Variants in DNAH14 observed in about 807,000 individuals in gnomAD.
The protein encoded by DNAH14 is axonemal beta dynein heavy chain 14.
Under a neutral mutation model 520.9 loss-of-function variants are expected in DNAH14, and 478 were observed. That is an observed-to-expected ratio of 0.92 (90% CI 0.85 to 0.99). DNAH14 has a LOEUF of 0.99. Ranked by LOEUF, DNAH14 falls within the 50% of genes least tolerant of loss-of-function variation. The probability of loss-of-function intolerance (pLI) is 0.00; values close to 1 mark genes in which losing one functional copy is unlikely to be tolerated. For synonymous variants in DNAH14, 1,581 were observed against 1,757.2 expected, an observed-to-expected ratio of 0.90 and a Z score of 2.51; for missense variants, 4,831 against 5,234.5, an observed-to-expected ratio of 0.92 and a Z score of 2.38.
Position 225,367,806 on chromosome 1 carries a change from T to C in DNAH14, c.12092T>C (p.Ile4031Thr). The C allele has an allele frequency of 3.2e-6, 5 of 1,549,838 alleles. No individual in the cohort carries two copies. The highest frequency in any genetic ancestry group is 4.4e-6 in the Non-Finnish European group (5 of 1,145,516). ...PIPVLKKGLK[I>T]AVESPQGLKS... ...ATTTTACTCACATCTGTTTTCAAGATTGCCGTGGAATCTCCCCAGGGATTG... is the reference window on the plus strand; with the variant it reads ...ATTTTACTCACATCTGTTTTCAAGACTGCCGTGGAATCTCCCCAGGGATTG... The change falls in exon 77 of 86, where the codon ATT becomes ACT. Residue 4031 changes from isoleucine (I) to threonine (T), a missense_variant and splice_region_variant. Transcript: ENST00000682510.
At chr1:225,397,537 C>CTT (rs2096032240) in intron 84 of DNAH14, 1 of 152,318 alleles carries the variant, frequency 6.6e-6, no homozygotes, top group East Asian at 1.9e-4. Flanking sequence ...TGGCCTGGTA[C>CTT]TTGGCCACCA....
At chr1:225,378,858 T>C (rs1468663880) in intron 79 of DNAH14, among the ~76,000 whole-genome samples, 8 of 133,210 alleles carry the variant, frequency 6.0e-5, no homozygotes, top group Non-Finnish European at 9.4e-5. Context: ...CCAGCTGGGG[T>C]GACAGTGCAA....
At chr1:225,298,363 A>T (rs1477642855) in intron 55 of DNAH14, among the ~76,000 whole-genome samples, 1 of 152,172 alleles carries the variant, frequency 6.6e-6, no homozygotes, top group African/African-American at 2.4e-5. Flanking sequence ...TCAGCTGTTC[A>T]ATGGCTCTGG....
intron 8 of DNAH14, among the ~76,000 whole-genome samples, chr1:224,989,072 A>G (rs1365350985): frequency 6.6e-6 from 1 of 152,188 alleles, no homozygotes. Context: ...TATCTTCACA[A>G]TGGTAATTAA....
chr1:225,015,719 G>A (rs535819633), intron 10 of DNAH14, among the ~76,000 whole-genome samples: 28 of 152,324 alleles, frequency 1.8e-4, no homozygotes, highest in South Asian at 4.1e-4. Flanking sequence ...ATAATCAAAT[G>A]ATATAATAAG....
At chr1:225,263,009 A>C (rs927574949) in intron 46 of DNAH14, among the ~76,000 whole-genome samples, 1 of 151,826 alleles carries the variant, frequency 6.6e-6, no homozygotes, top group Non-Finnish European at 1.5e-5. Flanking sequence ...CTGAAGAAAA[A>C]AAAAAGAACA....
intron 10 of DNAH14, among the ~76,000 whole-genome samples, chr1:225,013,289 C>T (rs1022279014): frequency 2.0e-5 from 3 of 152,074 alleles, no homozygotes; most frequent in African/African-American, 7.2e-5. Context: ...TGGGTATCAC[C>T]AATGGAGGCT....
In DNAH14 at chr1:225,144,585, C is replaced by T. The variant is rs2079753263; in HGVS notation, c.4697C>T (p.Pro1566Leu). Residue 1566 changes from proline (P) to leucine (L), a missense_variant, in exon 29 of 86, where the codon CCA becomes CTA. Coordinates refer to ENST00000682510, the MANE Select transcript of DNAH14 (RefSeq NM_001367479.1). ...HLNLGGCPAGPAGTGKTETVK... is the reference protein window; with the variant it reads ...HLNLGGCPAGLAGTGKTETVK... ...AATCTAGGAGGCTGTCCTGCCGGTC[C>T]AGCTGGTACAGGAAAAACTGAGACT... 1.0e-5 allele frequency: 16 copies of T among 1,551,328 alleles called. No individual in the cohort carries two copies. The highest frequency in any genetic ancestry group is 1.4e-5 in the Non-Finnish European group (16 of 1,146,958).
At chr1:224,944,647 T>G (rs995493766) in intron 1 of DNAH14, among the ~76,000 whole-genome samples, 1 of 152,224 alleles carries the variant, frequency 6.6e-6, no homozygotes, top group African/African-American at 2.4e-5. Flanking sequence ...TTCCTTTCCA[T>G]GTTTAGTGCT....
intron 54 of DNAH14, among the ~76,000 whole-genome samples, chr1:225,279,902 A>T (rs906284871): frequency 6.6e-6 from 1 of 150,576 alleles, no homozygotes; most frequent in Non-Finnish European, 1.5e-5. Context: ...CCTAAAGGAA[A>T]ATATATATTA....
At chr1:225,389,623 G>T (rs180704253) in intron 82 of DNAH14, 111 bp from the exon 83 acceptor site, 16 of 1,244,638 alleles carry the variant, frequency 1.3e-5, no homozygotes, top group Non-Finnish European at 1.7e-5. Flanking sequence ...TGCATTGGGG[G>T]AATCGAAATG....
chr1:224,981,157 T>G (rs2062240206), intron 8 of DNAH14, among the ~76,000 whole-genome samples: 1 of 152,226 alleles, frequency 6.6e-6, no homozygotes, highest in African/African-American at 2.4e-5. Flanking sequence ...TGGTGGATTA[T>G]CTGTTTGATA....
chr1:225,216,039 G>A (rs1419228231), intron 41 of DNAH14, among the ~76,000 whole-genome samples: 3 of 152,164 alleles, frequency 2.0e-5, no homozygotes, highest in Non-Finnish European at 2.9e-5. Flanking sequence ...AGTACTGATT[G>A]TTCCTTTCCA....
chr1:225,176,074 A>G (rs2083301238), intron 36 of DNAH14, among the ~76,000 whole-genome samples: 1 of 152,152 alleles, frequency 6.6e-6, no homozygotes, highest in South Asian at 2.1e-4. Context: ...CTTAAAGGAA[A>G]GAATGCATTA....
At chr1:224,978,001 A>G (rs1301424275) in intron 8 of DNAH14, among the ~76,000 whole-genome samples, 1 of 152,228 alleles carries the variant, frequency 6.6e-6, no homozygotes, top group African/African-American at 2.4e-5. Flanking sequence ...TGTAATCAAA[A>G]AGACAAAAAA....
At chr1:225,099,278 AG>A (rs1174059578) in intron 22 of DNAH14, among the ~76,000 whole-genome samples, 9 of 152,168 alleles carry the variant, frequency 5.9e-5, no homozygotes, top group African/African-American at 1.9e-4. Flanking sequence ...CCTAGAGTGT[AG>A]GGACATTAGA....
intron 27 of DNAH14, among the ~76,000 whole-genome samples, chr1:225,134,776 T>C (rs914051525): frequency 6.6e-6 from 1 of 152,184 alleles, no homozygotes. Flanking sequence ...TTCAATTTTT[T>C]GGAATGGTTT....
Position 224,972,559 on chromosome 1 carries a change from G to A in DNAH14, c.768-1532G>A, listed in dbSNP as rs903848831. On this transcript the variant is annotated intron_variant, in intron 7 of 85. Coordinates refer to ENST00000682510, the MANE Select transcript of DNAH14 (RefSeq NM_001367479.1). ...CGGCTCACTGCAAGCTCCGCCTCCC[G>A]GGTTCACACGATTCTCCTGCCTCAG... Among the ~76,000 whole-genome samples, 7 of 151,562 alleles carry A rather than the reference G, an allele frequency of 4.6e-5. No homozygotes were observed. In the East Asian group the frequency reaches 5.8e-4, roughly 13 times the overall value.
rs567424992 is a variant in DNAH14, at chr1:225,204,163, T to G, written c.5887-20T>G. On this transcript the variant is annotated intron_variant, in intron 38 of 85. Coordinates refer to ENST00000682510, the MANE Select transcript of DNAH14 (RefSeq NM_001367479.1). ...GTGTTATTAAATAAAAATTTAAACA[T>G]TATTGATTACATATTTTAGGTTTTC... The G allele has an allele frequency of 1.0e-5, 13 of 1,278,582 alleles. No homozygotes were observed. The African/African-American group carries it at 1.6e-4, about 15-fold the overall frequency. 79.2% of individuals were successfully genotyped at this position (1,278,582 alleles called of 1,614,324 possible).
Sources: allele counts gnomAD v4.1 joint callset (sites outside exome capture counted in the v4.1 genomes callset), GRCh38; gene constraint gnomAD v4.1.1; transcripts MANE v1.5; gene names NCBI Gene and HGNC (gene_info 2026-07-23, HGNC 2026-07-21).